The following BEND2 variants were observed in gnomAD, a reference collection of about 807,000 sequenced individuals.
BEND2 encodes the protein BEN domain-containing protein 2.
In BEND2, 19 loss-of-function variants were observed where a neutral mutation model predicts 43.8. The ratio of observed to expected loss-of-function variants is 0.43; its 90% CI spans 0.30 to 0.64. BEND2 has a LOEUF of 0.64. Among genes scored for constraint, BEND2 ranks in the 30% least tolerant of loss-of-function variants. BEND2 has a pLI of 0.11. For missense variants in BEND2, 544 were observed against 574.0 expected, an observed-to-expected ratio of 0.95 and a Z score of 0.53; for synonymous variants, 226 against 210.1, an observed-to-expected ratio of 1.08 and a Z score of -0.66.
intron 6 of BEND2, among the ~76,000 whole-genome samples, chrX:18,199,668 C>T (rs1299057031): frequency 9.1e-6 from 1 of 109,963 alleles, no homozygotes; most frequent in Non-Finnish European, 1.9e-5. Context: ...CTACCACTGA[C>T]TTGCATTCAG....
chrX:18,217,439 A>T (rs1925705408), intron 1 of BEND2, among the ~76,000 whole-genome samples: 1 of 112,384 alleles, frequency 8.9e-6, no homozygotes, highest in African/African-American at 3.2e-5. Flanking sequence ...ATTTATTTCA[A>T]ATAGACTAAT....
Position 18,203,825 on chromosome X carries a change from G to A in BEND2, c.583C>T (p.His195Tyr), listed in dbSNP as rs373568752. The change falls in exon 5 of 14, where the codon CAT becomes TAT. Residue 195 changes from histidine to tyrosine, a missense_variant. Physicochemically the swap from His to Tyr is moderately conservative, Grantham distance 83. Transcript: ENST00000380033. ...CTGAGGTCTGCTTCCTGCAGTTCAT[G>A]ACATGCTGCTGACTCAAGAGATGTT... is the stretch of plus-strand genomic sequence containing the variant. ...AVTSLESAAC[H>Y]ELQEADLSES... 2.6e-5 allele frequency: 31 copies of A among 1,209,187 alleles called. No individual in the cohort carries two copies. The East Asian group carries it at 9.2e-4, about 36-fold the overall frequency.
At chrX:18,185,297 G>C (rs1183981564) in intron 8 of BEND2, among the ~76,000 whole-genome samples, 1 of 108,997 alleles carries the variant, frequency 9.2e-6, no homozygotes, top group African/African-American at 3.3e-5. Context: ...GGGGGGCCAA[G>C]GCAGGCAGAC....
At chrX:18,197,944 A>G (rs1356533322) in intron 6 of BEND2, among the ~76,000 whole-genome samples, 1 of 111,661 alleles carries the variant, frequency 9.0e-6, no homozygotes, top group East Asian at 2.8e-4. Context: ...AAAAACAAGA[A>G]ATGGGGAAAG....
chrX:18,197,318 C>T (rs1226598022), intron 6 of BEND2, among the ~76,000 whole-genome samples: 2 of 111,016 alleles, frequency 1.8e-5, no homozygotes, highest in East Asian at 2.8e-4. Flanking sequence ...CCTATAGTTC[C>T]AGCTACTTGG....
At chrX:18,173,195 C>T (rs1187581515) in intron 12 of BEND2, among the ~76,000 whole-genome samples, 1 of 111,153 alleles carries the variant, frequency 9.0e-6, no homozygotes, top group East Asian at 2.8e-4. Context: ...GGCCCAAGTT[C>T]TCACAGTCTT....
At chrX:18,207,888 G>A (rs1051487447) in intron 4 of BEND2, among the ~76,000 whole-genome samples, 5 of 110,531 alleles carry the variant, frequency 4.5e-5, no homozygotes, top group East Asian at 2.9e-4. Context: ...GTGTGGTGGC[G>A]CACGCCTGTA....
intron 10 of BEND2, among the ~76,000 whole-genome samples, chrX:18,176,839 A>G (rs1054844603): frequency 1.8e-5 from 2 of 111,029 alleles, no homozygotes; most frequent in East Asian, 2.8e-4. Context: ...CATCCTGTCT[A>G]TCTTCCCCAG....
chrX:18,183,181 TTTCAA>T lies in BEND2; in HGVS notation c.1289-2536_1289-2532del, dbSNP rs577081147. ...TAATAAAAGCAGAATATACATTTTT[TTTCAA>T]ATGCCTATGGACCATTCACCAAGAC... is the stretch of plus-strand genomic sequence containing the variant. On this transcript the variant is annotated intron_variant, in intron 8 of 13. Transcript: ENST00000380033. 4.3e-4 allele frequency among the ~76,000 whole-genome samples: 48 copies of T among 110,846 alleles called. 1 individual carries two copies. In the South Asian group the frequency reaches 0.018, roughly 41 times the overall value.
In BEND2 at chrX:18,203,676, G is replaced by A. The variant is rs1346106989; in HGVS notation, c.732C>T (p.Thr244=). 8.3e-7 allele frequency: 1 copy of A among 1,211,360 alleles called. No homozygotes were observed. Among genetic ancestry groups the A allele is most frequent in the East Asian group, 3.0e-5 (1 of 33,846 alleles). Residue 244 remains threonine (T), a synonymous_variant, in exon 5 of 14, where the codon ACC becomes ACT. Coordinates refer to ENST00000380033, the MANE Select transcript of BEND2 (RefSeq NM_153346.5). ...WNFISGGAES[T]NAVISFANAT... Reference sequence around the variant, plus strand: ...CATTGGCAAATGAGATGACAGCATTGGTACTTTCAGCACCTCCACTGATAA... The same window carrying A: ...CATTGGCAAATGAGATGACAGCATTAGTACTTTCAGCACCTCCACTGATAA...
chrX:18,168,982 A>G (rs1304201899), intron 13 of BEND2, among the ~76,000 whole-genome samples: 1 of 109,890 alleles, frequency 9.1e-6, no homozygotes, highest in Non-Finnish European at 1.9e-5. Flanking sequence ...AAACAACCAG[A>G]TGCCGAGTGC....
chrX:18,180,950 T>C (rs1166359407), intron 8 of BEND2, among the ~76,000 whole-genome samples: 1 of 110,696 alleles, frequency 9.0e-6, no homozygotes, highest in Non-Finnish European at 1.9e-5. Flanking sequence ...AATTTTTCTA[T>C]TTTTAATAGA....
At position 18,165,100 on chromosome X, in the gene BEND2, G is replaced by A. The variant is rs972507727; in HGVS notation, c.2309C>T (p.Ala770Val). 8.3e-7 allele frequency: 1 copy of A among 1,210,491 alleles called. No individual in the cohort carries two copies. Among genetic ancestry groups the A allele is most frequent in the Non-Finnish European group, 1.1e-6 (1 of 895,457 alleles). The change falls in exon 14 of 14, where the codon GCC becomes GTC. Residue 770 changes from alanine to valine, a missense_variant. Ala to Val is a moderately conservative substitution (Grantham distance 64). Transcript: ENST00000380033. The part of the protein sequence containing the change: ...SLRHDVRRAE[A>V]RSQSLPAVTP... ...CACTGCTGGAAGCGACTGAGACCTG[G>A]CTTCAGCCCTTCTGACGTCATGTCT...
At chrX:18,220,312 G>T (rs1371693057) in intron 1 of BEND2, among the ~76,000 whole-genome samples, 41 of 112,407 alleles carry the variant, frequency 3.6e-4, no homozygotes, top group Non-Finnish European at 3.6e-4. Flanking sequence ...CGTCGCGAGC[G>T]CCGAGATTGT....
At chrX:18,198,652 C>T (rs1422813562) in intron 6 of BEND2, among the ~76,000 whole-genome samples, 4 of 111,103 alleles carry the variant, frequency 3.6e-5, no homozygotes, top group Non-Finnish European at 5.7e-5. Flanking sequence ...GGCGATTCCT[C>T]AGGGATTTAG....
chrX:18,183,747 G>A (rs747476758), intron 8 of BEND2, among the ~76,000 whole-genome samples: 12 of 112,061 alleles, frequency 1.1e-4, no homozygotes, highest in East Asian at 2.8e-4. Flanking sequence ...GTGGGCCTGC[G>A]GCAGTGGTGG....
chrX:18,220,038 T>C (rs1925814436), intron 1 of BEND2, among the ~76,000 whole-genome samples: 1 of 111,414 alleles, frequency 9.0e-6, no homozygotes, highest in Non-Finnish European at 1.9e-5. Flanking sequence ...AGAGAACAGC[T>C]GAAAAAGGAT....
intron 6 of BEND2, among the ~76,000 whole-genome samples, chrX:18,200,121 GA>G (rs1311997634): frequency 2.8e-5 from 3 of 107,580 alleles, no homozygotes; most frequent in South Asian, 3.9e-4. Flanking sequence ...CCAAAAACTG[GA>G]AAAAAAAACA....
chrX:18,199,793 C>T (rs1312636109), intron 6 of BEND2, among the ~76,000 whole-genome samples: 1 of 110,357 alleles, frequency 9.1e-6, no homozygotes, highest in Non-Finnish European at 1.9e-5. Flanking sequence ...CTAAAGAAAC[C>T]TGAAAGAAAG....
Sources: gnomAD v4.1 joint callset for allele counts (sites outside exome capture counted in the v4.1 genomes callset) on GRCh38, gnomAD v4.1.1 for gene constraint, MANE v1.5 for transcripts, NCBI Gene and HGNC (gene_info 2026-07-23, HGNC 2026-07-21) for gene names.